The following ADAM10 variants were observed in gnomAD, a reference collection of about 807,000 sequenced individuals.
ADAM10 encodes disintegrin and metalloproteinase domain-containing protein 10.
In ADAM10, 17 loss-of-function variants were observed where a neutral mutation model predicts 90.1. The observed-to-expected ratio is 0.19, with a 90% CI of 0.13 to 0.28. The LOEUF (loss-of-function observed/expected upper bound fraction) is 0.28. Ranked by LOEUF, ADAM10 falls within the 10% of genes least tolerant of loss-of-function variation. The pLI, the probability that ADAM10 is intolerant of heterozygous loss-of-function variation, is 1.00. For synonymous variants in ADAM10, 310 were observed against 298.6 expected (o/e 1.04, Z -0.40); for missense variants, 610 against 914.3 (o/e 0.67, Z 4.29).
intron 8 of ADAM10, among the ~76,000 whole-genome samples, chr15:58,636,212 G>A (rs1456564030): frequency 6.6e-6 from 1 of 151,900 alleles, no homozygotes; most frequent in African/African-American, 2.4e-5. Context: ...AGGAGGCGGG[G>A]GTTGCCATGA....
chr15:58,634,287 G>GT (rs1896188124), intron 8 of ADAM10, among the ~76,000 whole-genome samples: 2 of 148,642 alleles, frequency 1.3e-5, no homozygotes, highest in African/African-American at 2.6e-5. Flanking sequence ...GGGCGACACA[G>GT]TGACACTCTG....
intron 9 of ADAM10, among the ~76,000 whole-genome samples, chr15:58,630,186 G>T (rs981642468): frequency 3.1e-4 from 47 of 152,200 alleles, no homozygotes; most frequent in African/African-American, 1.1e-3. Context: ...TCATACTGTA[G>T]GGCCATCTAG....
intron 2 of ADAM10, among the ~76,000 whole-genome samples, chr15:58,699,263 C>A (rs1053162558): frequency 1.3e-5 from 2 of 152,146 alleles, no homozygotes; most frequent in South Asian, 2.1e-4. Flanking sequence ...TAATTTGACA[C>A]AACTAGACCA....
intron 4 of ADAM10, among the ~76,000 whole-genome samples, chr15:58,674,096 A>G (rs1211340452): frequency 6.6e-6 from 1 of 152,194 alleles, no homozygotes; most frequent in South Asian, 2.1e-4. Context: ...TTCTAATTAA[A>G]TATTATTCTT....
At chr15:58,738,468 T>A (rs927963386) in intron 1 of ADAM10, among the ~76,000 whole-genome samples, 5 of 152,232 alleles carry the variant, frequency 3.3e-5, no homozygotes, top group South Asian at 2.1e-4. Context: ...ATTTTTTCAC[T>A]AGAAATCAGT....
In ADAM10 at chr15:58,621,614, G is replaced by C; in HGVS notation, c.1368C>G (p.Gly456=). 6.2e-7 allele frequency: 1 copy of C among 1,613,882 alleles called. No individual in the cohort carries two copies. The highest frequency in any genetic ancestry group is 8.5e-7 in the Non-Finnish European group (1 of 1,180,014). Residue 456 remains glycine, a synonymous_variant, in exon 11 of 16, where the codon GGC becomes GGG. Transcript: ENST00000260408. ...CCATTCCATTTCCACAAATAGGTTGGCCAGATTCTGAGGAAAATAAACAAG... is the reference window on the plus strand; with the variant it reads ...CCATTCCATTTCCACAAATAGGTTGCCCAGATTCTGAGGAAAATAAACAAG... ...KKRNNCFVES[G]QPICGNGMVE... is the part of the protein sequence containing the mutation.
At chr15:58,607,281 T>C (rs1895304032) in intron 14 of ADAM10, among the ~76,000 whole-genome samples, 2 of 152,250 alleles carry the variant, frequency 1.3e-5, no homozygotes, top group African/African-American at 4.8e-5. Context: ...AACCCTAGGG[T>C]GATTCTGGTA....
chr15:58,722,962 G>A (rs937141593), intron 1 of ADAM10, among the ~76,000 whole-genome samples: 3 of 151,778 alleles, frequency 2.0e-5, no homozygotes, highest in African/African-American at 7.3e-5. Flanking sequence ...AAACTCCTGG[G>A]CTCAAGCGAT....
At chr15:58,745,887 T>C (rs535942613) in intron 1 of ADAM10, among the ~76,000 whole-genome samples, 20 of 152,304 alleles carry the variant, frequency 1.3e-4, no homozygotes, top group African/African-American at 4.6e-4. Flanking sequence ...AGTATCTGGA[T>C]TTCCAAGTCT....
intron 5 of ADAM10, among the ~76,000 whole-genome samples, chr15:58,653,107 A>G (rs1222446012): frequency 6.6e-6 from 1 of 152,118 alleles, no homozygotes; most frequent in African/African-American, 2.4e-5. Context: ...CAGTTCTAAT[A>G]GTTTTTTGGT....
intron 5 of ADAM10, among the ~76,000 whole-genome samples, chr15:58,664,838 G>T (rs977341523): frequency 2.0e-5 from 3 of 151,932 alleles, no homozygotes; most frequent in African/African-American, 7.2e-5. Context: ...TAAAACATTT[G>T]TTTTCTTTTA....
At chr15:58,633,742 G>C (rs921315608) in intron 8 of ADAM10, among the ~76,000 whole-genome samples, 6 of 152,070 alleles carry the variant, frequency 3.9e-5, no homozygotes, top group Admixed American at 2.0e-4. Flanking sequence ...GAAATCTTAT[G>C]ATTTAAGTTA....
chr15:58,703,232 G>A (rs1477421737), intron 2 of ADAM10, among the ~76,000 whole-genome samples: 1 of 147,668 alleles, frequency 6.8e-6, no homozygotes, highest in Non-Finnish European at 1.5e-5. Context: ...CAGAAAAACT[G>A]CAGTATATAT....
chr15:58,740,324 G>A (rs573125038), intron 1 of ADAM10, among the ~76,000 whole-genome samples: 5 of 151,524 alleles, frequency 3.3e-5, no homozygotes, highest in Non-Finnish European at 5.9e-5. Context: ...CACAAAAATC[G>A]CTTAAACCCA....
intron 13 of ADAM10, 162 bp downstream of exon 13, chr15:58,610,831 CATAATA>C: frequency 1.5e-6 from 1 of 668,236 alleles, no homozygotes; most frequent in Non-Finnish European, 2.7e-6. Flanking sequence ...TTGTAGAGAC[CATAATA>C]ATAGAGACAC....
rs1194080009 is a variant in ADAM10 at position 58,749,487 on chromosome 15, C to T, written c.48G>A (p.Gly16=). 1.3e-6 allele frequency: 2 copies of T among 1,551,532 alleles called. No homozygotes were observed. The highest frequency in any genetic ancestry group is 1.7e-6 in the Non-Finnish European group (2 of 1,147,552). ...CTCGCAGTCGTGCCTCACCTCCCATCCCCGCCGCCCAGGAGAGGAGCAGAA... is the reference window on the plus strand; with the variant it reads ...CTCGCAGTCGTGCCTCACCTCCCATTCCCGCCGCCCAGGAGAGGAGCAGAA... ...VLILLLSWAA[G]MGGQYGNPLN... is the part of the protein sequence containing the mutation. The change falls in exon 1 of 16, where the codon GGG becomes GGA. Residue 16 remains glycine (G), a synonymous_variant. Coordinates refer to ENST00000260408, the MANE Select transcript of ADAM10 (RefSeq NM_001110.4).
chr15:58,682,274 T>C lies in ADAM10; in HGVS notation c.247A>G (p.Ser83Gly), dbSNP rs752969686. 3 of 1,612,974 alleles carry C rather than the reference T, an allele frequency of 1.9e-6. No individual in the cohort carries two copies. In the Admixed American group the frequency reaches 5.0e-5, roughly 27 times the overall value. Residue 83 changes from serine (S) to glycine (G), a missense_variant, in exon 3 of 16, where the codon AGT (serine) becomes GGT (glycine). Ser to Gly is a moderately conservative substitution (Grantham distance 56). Transcript: ENST00000260408. Reference protein sequence around the residue: ...LRMKRDTSLFSDEFKVETSNK... With the variant: ...LRMKRDTSLFGDEFKVETSNK... ...GATGTTTCTACTTTAAATTCATCAC[T>C]GAAAAGGGAAGTGTCCCTCTTCATT... is the stretch of plus-strand genomic sequence containing the variant.
In ADAM10 at chr15:58,722,229, C is replaced by A. The variant is rs762347778; in HGVS notation, c.56-4502G>T. ...TGATGGCATGCATCTATAACACCAG[C>A]TACTCAAGAGGCTGAGGCAGGAGAA... On this transcript the variant is annotated intron_variant, in intron 1 of 15. Transcript: ENST00000260408. Among the ~76,000 whole-genome samples the A allele has an allele frequency of 3.9e-5, 6 of 152,040 alleles. No homozygotes were observed. In the East Asian group the frequency reaches 9.7e-4, roughly 24 times the overall value.
In ADAM10 at chr15:58,665,081, G is replaced by C; in HGVS notation, c.585+16C>G. On this transcript the variant is annotated intron_variant, in intron 5 of 15. Transcript: ENST00000260408. ...ATTTCCATTTCCTAAATGCAAGCTAGTGTTAAAATCCTTACCTGTGTTACT... is the reference window on the plus strand; with the variant it reads ...ATTTCCATTTCCTAAATGCAAGCTACTGTTAAAATCCTTACCTGTGTTACT... The C allele has an allele frequency of 6.5e-7, 1 of 1,535,662 alleles. No individual in the cohort carries two copies. The highest frequency in any genetic ancestry group is 9.0e-7 in the Non-Finnish European group (1 of 1,108,968).
Sources: gnomAD v4.1 joint callset for allele counts (sites outside exome capture counted in the v4.1 genomes callset) on GRCh38, gnomAD v4.1.1 for gene constraint, MANE v1.5 for transcripts, NCBI Gene and HGNC (gene_info 2026-07-23, HGNC 2026-07-21) for gene names.